Variants in RNLS observed in about 807,000 individuals in gnomAD.
The protein encoded by RNLS is renalase, FAD dependent amine oxidase.
A neutral mutation model predicts 39.8 loss-of-function variants in RNLS; 39 were observed. That is an observed-to-expected ratio of 0.98 (90% CI 0.76 to 1.28). The LOEUF (loss-of-function observed/expected upper bound fraction) is 1.28, where lower values mean the gene tolerates loss of function less well. Ranked by LOEUF, RNLS falls within the 50% of genes most tolerant of loss-of-function variation. RNLS has a pLI of 0.00. For synonymous variants in RNLS, 147 were observed against 150.7 expected (o/e 0.98, Z 0.18); for missense variants, 410 against 413.3 (o/e 0.99, Z 0.07).
At chr10:88,223,201 G>C in the RNLS span, among the ~76,000 whole-genome samples, 84,808 of 152,110 alleles carry the variant, frequency 0.56, 23,725 homozygotes, top group Admixed American at 0.6. Context: ...ACATATTTCA[G>C]TTTTAGGTTT....
the RNLS span, among the ~76,000 whole-genome samples, chr10:88,217,295 T>G: frequency 6.6e-6 from 1 of 152,202 alleles, no homozygotes; most frequent in Non-Finnish European, 1.5e-5. Context: ...CTCAGTTAAT[T>G]AGAGGTCTTC....
chr10:88,559,644 C>T (rs1287959635), intron 4 of RNLS, among the ~76,000 whole-genome samples: 2 of 146,810 alleles, frequency 1.4e-5, no homozygotes, highest in East Asian at 4.1e-4. Context: ...TCCTCCAAGA[C>T]GTTTTCAGAT....
At chr10:88,381,503 T>TAA (rs1004196867) in intron 4 of RNLS, among the ~76,000 whole-genome samples, 8 of 151,766 alleles carry the variant, frequency 5.3e-5, no homozygotes, top group Non-Finnish European at 1.2e-4. Flanking sequence ...ATATACATAT[T>TAA]AAAAGTATTT....
rs530989581 is a variant in RNLS, at chr10:88,420,917, A to C, written c.527-58192T>G. ...GGCTACTCTTAATCAGATCAAGTCT[A>C]TACCTATAACCCTAAAATAGAGAGG... On this transcript the variant is annotated intron_variant, in intron 4 of 6. Coordinates refer to ENST00000331772, the MANE Select transcript of RNLS (RefSeq NM_001031709.3). Among the ~76,000 whole-genome samples the C allele has an allele frequency of 3.6e-4, 55 of 152,358 alleles. 1 individual carries two copies. In the South Asian group the frequency reaches 0.011, roughly 30 times the overall value.
At chr10:88,246,548 T>C in the RNLS span, among the ~76,000 whole-genome samples, 1 of 130,528 alleles carries the variant, frequency 7.7e-6, no homozygotes, top group African/African-American at 2.6e-5. Flanking sequence ...GAGAGTTTTG[T>C]TGTTTTTTTT....
At chr10:88,321,166 A>G (rs1846159960) in intron 5 of RNLS, among the ~76,000 whole-genome samples, 1 of 152,178 alleles carries the variant, frequency 6.6e-6, no homozygotes, top group African/African-American at 2.4e-5. Flanking sequence ...CCACATAAGA[A>G]CATGGAAACC....
At chr10:88,206,156 C>T in the RNLS span, among the ~76,000 whole-genome samples, 2 of 152,206 alleles carry the variant, frequency 1.3e-5, no homozygotes, top group Non-Finnish European at 2.9e-5. Context: ...TGAAGCCCGT[C>T]TTTCCTTAGC....
chr10:88,174,816 T>C, the RNLS span, among the ~76,000 whole-genome samples: 13 of 152,168 alleles, frequency 8.5e-5, no homozygotes, highest in African/African-American at 3.1e-4. Flanking sequence ...TTTTTTGGAA[T>C]AGTTTGCAAA....
At chr10:88,343,721 T>G in intron 5 of RNLS, 1 of 985,418 alleles carries the variant, frequency 1.0e-6, no homozygotes. Context: ...GAAGATTTTC[T>G]TTGGCCGACA....
At chr10:88,519,535 C>G (rs973485159) in intron 4 of RNLS, among the ~76,000 whole-genome samples, 2 of 150,832 alleles carry the variant, frequency 1.3e-5, no homozygotes, top group Non-Finnish European at 3.0e-5. Flanking sequence ...AAGGCTTCCA[C>G]TAAGCCCAAG....
chr10:88,363,998 TAC>T (rs1849842893), intron 4 of RNLS, among the ~76,000 whole-genome samples: 1 of 152,024 alleles, frequency 6.6e-6, no homozygotes, highest in Non-Finnish European at 1.5e-5. Flanking sequence ...CAAGAAAAAA[TAC>T]TTAGGAAAAT....
At chr10:88,509,207 T>C (rs1177993487) in intron 4 of RNLS, among the ~76,000 whole-genome samples, 1 of 152,076 alleles carries the variant, frequency 6.6e-6, no homozygotes, top group African/African-American at 2.4e-5. Context: ...AAAAACTGTA[T>C]GATTATGATT....
At chr10:88,298,669 A>T (rs1180751226) in intron 6 of RNLS, among the ~76,000 whole-genome samples, 1 of 152,210 alleles carries the variant, frequency 6.6e-6, no homozygotes, top group East Asian at 1.9e-4. Context: ...CTGAACTTTC[A>T]ATTACATTCC....
At chr10:88,308,541 A>G (rs1012808803) in intron 6 of RNLS, among the ~76,000 whole-genome samples, 3 of 152,192 alleles carry the variant, frequency 2.0e-5, no homozygotes, top group African/African-American at 7.2e-5. Context: ...AAAGCTGAAC[A>G]TCGCTGATCA....
the RNLS span, among the ~76,000 whole-genome samples, chr10:88,173,609 C>T: frequency 6.6e-6 from 1 of 152,074 alleles, no homozygotes; most frequent in Non-Finnish European, 1.5e-5. Context: ...TTCTTACAAT[C>T]CAGGAATGTG....
intron 4 of RNLS, among the ~76,000 whole-genome samples, chr10:88,425,097 C>A (rs1854657726): frequency 1.3e-5 from 2 of 152,100 alleles, no homozygotes; most frequent in African/African-American, 4.8e-5. Context: ...ATGCCACAGC[C>A]ATTGGCAGCA....
chr10:88,270,836 T>G (rs1842630428), downstream of RNLS, among the ~76,000 whole-genome samples: 1 of 152,126 alleles, frequency 6.6e-6, no homozygotes, highest in Admixed American at 6.6e-5. Context: ...GTACGTTTAT[T>G]TGGAAAGGGT....
At chr10:88,533,049 C>T (rs879802525) in intron 4 of RNLS, among the ~76,000 whole-genome samples, 2 of 151,984 alleles carry the variant, frequency 1.3e-5, no homozygotes, top group African/African-American at 2.4e-5. Flanking sequence ...AATTGTGCCC[C>T]AACAAAATAA....
chr10:88,239,574 G>T, the RNLS span, among the ~76,000 whole-genome samples: 4 of 152,214 alleles, frequency 2.6e-5, no homozygotes, highest in Non-Finnish European at 4.4e-5. Flanking sequence ...CAACTGTCTT[G>T]TTATTAGCAA....
Sources: allele counts gnomAD v4.1 joint callset (sites outside exome capture counted in the v4.1 genomes callset), GRCh38; gene constraint gnomAD v4.1.1; transcripts MANE v1.5; gene names NCBI Gene and HGNC (gene_info 2026-07-23, HGNC 2026-07-21).